Variants in PLIN1 observed in about 807,000 individuals in gnomAD.
PLIN1 encodes perilipin-1.
In PLIN1, 37 loss-of-function variants were observed where a neutral mutation model predicts 45.8. The ratio of observed to expected loss-of-function variants is 0.81; its 90% CI spans 0.62 to 1.06. PLIN1 has a LOEUF of 1.06. Among genes scored for constraint, PLIN1 ranks in the 50% least tolerant of loss-of-function variants. The pLI is 0.00. For missense variants in PLIN1, 776 were observed against 716.5 expected, an observed-to-expected ratio of 1.08 and a Z score of -0.95; for synonymous variants, 340 against 309.2, an observed-to-expected ratio of 1.10 and a Z score of -1.05.
chr15:89,666,981 C>G lies in PLIN1; in HGVS notation c.1164G>C (p.Lys388Asn). The change falls in exon 8 of 9, where the codon AAG becomes AAC. Residue 388 changes from lysine (K) to asparagine (N), a missense_variant. Lys to Asn is a moderately conservative substitution (Grantham distance 94). Transcript: ENST00000300055. The stretch of plus-strand genomic sequence containing the variant: ...TGTCCACCACGTTGTCAGTAACGCC[C>G]TTCAGGGCATCTGATAGGGACATGG... ...GRAMSLSDALKGVTDNVVDTV... is the reference protein window; with the variant it reads ...GRAMSLSDALNGVTDNVVDTV... The G allele has an allele frequency of 6.2e-7, 1 of 1,614,122 alleles. No homozygotes were observed.
Position 89,667,619 on chromosome 15 carries a change from C to T in PLIN1, c.946G>A (p.Glu316Lys), listed in dbSNP as rs776563525. Residue 316 changes from glutamate to lysine, a missense_variant, in exon 7 of 9, where the codon GAG (glutamate) becomes AAG (lysine). Coordinates refer to ENST00000300055, the MANE Select transcript of PLIN1 (RefSeq NM_002666.5). ...TEEEEELETE[E>K]NKFSEVAALP... ...CCCCTCACCTCACTGAACTTGTTCT[C>T]CTCAGTCTCCAATTCTTCCTCCTCC... is the stretch of plus-strand genomic sequence containing the variant. 6.2e-7 allele frequency: 1 copy of T among 1,614,028 alleles called. No individual in the cohort carries two copies.
In PLIN1 at chr15:89,664,925, T is replaced by C. The variant is rs549102269; in HGVS notation, c.*658A>G. On this transcript the variant is annotated 3_prime_UTR_variant, in exon 9 of 9. Transcript: ENST00000300055. ...GGCAGTAATGATGCAAATGGAAATG[T>C]GGCTGTGAGCAAGCAGCTGGCTCTA... 1 of 456,112 alleles carries C rather than the reference T, an allele frequency of 2.2e-6. No individual in the cohort carries two copies. Among genetic ancestry groups the C allele is most frequent in the East Asian group, 6.9e-5 (1 of 14,402 alleles). 28.3% of individuals were successfully genotyped at this position (456,112 alleles called of 1,614,324 possible). A position where few individuals can be genotyped will look rare whatever the true frequency, so the allele number is the denominator to read the frequency against.
At chr15:89,672,803 C>T (rs748710233) in intron 3 of PLIN1, among the ~76,000 whole-genome samples, 17 of 152,212 alleles carry the variant, frequency 1.1e-4, no homozygotes, top group South Asian at 8.3e-4. Flanking sequence ...CCGTGCCCTC[C>T]GGCCCTGCCA....
intron 2 of PLIN1, among the ~76,000 whole-genome samples, chr15:89,674,768 A>G (rs1964490587): frequency 6.6e-6 from 1 of 152,106 alleles, no homozygotes. Context: ...ATCATGTTAA[A>G]TGGCTCCAGT....
At chr15:89,669,356 C>T (rs1373590953) in intron 6 of PLIN1, 144 bp downstream of exon 6, 2 of 768,580 alleles carry the variant, frequency 2.6e-6, no homozygotes, top group Non-Finnish European at 4.6e-6. Flanking sequence ...CTCTCAAGTC[C>T]TCTTAGAACT....
chr15:89,669,026 A>T (rs1336199701), intron 6 of PLIN1, among the ~76,000 whole-genome samples: 1 of 151,570 alleles, frequency 6.6e-6, no homozygotes, highest in Non-Finnish European at 1.5e-5. Context: ...CTGGGCCTAG[A>T]AAGGGCAACT....
intron 4 of PLIN1, 147 bp downstream of exon 4, chr15:89,671,335 G>A: frequency 1.5e-6 from 1 of 651,750 alleles, no homozygotes; most frequent in African/African-American, 1.8e-5. Flanking sequence ...GTGTGGCCTT[G>A]GGAGCAGGCA....
rs1398422945 is a variant in PLIN1, at chr15:89,671,500, G to A, written c.315C>T (p.Leu105=). 2 of 1,573,174 alleles carry A rather than the reference G, an allele frequency of 1.3e-6. No homozygotes were observed. Among genetic ancestry groups the A allele is most frequent in the Admixed American group, 1.9e-5 (1 of 53,800 alleles). ...GGCTCACCTTTTCAGGGGGGTACTGGAGGGCGGGGATCTTTTCCTCCAGGT... is the reference window on the plus strand; with the variant it reads ...GGCTCACCTTTTCAGGGGGGTACTGAAGGGCGGGGATCTTTTCCTCCAGGT... ...LDHLEEKIPA[L]QYPPEKIASE... is the part of the protein sequence containing the mutation. Residue 105 remains leucine, a synonymous_variant, in exon 4 of 9, where the codon CTC becomes CTT. Coordinates refer to ENST00000300055, the MANE Select transcript of PLIN1 (RefSeq NM_002666.5).
chr15:89,676,816 C>T (rs1022710315), intron 2 of PLIN1: 2 of 154,556 alleles, frequency 1.3e-5, no homozygotes, highest in African/African-American at 2.4e-5. Flanking sequence ...TTAGTAAAAG[C>T]GTAACTTGGG....
chr15:89,667,710 G>A lies in PLIN1; in HGVS notation c.855C>T (p.His285=). 1.3e-6 allele frequency: 2 copies of A among 1,582,888 alleles called. No homozygotes were observed. The highest frequency in any genetic ancestry group is 1.7e-6 in the Non-Finnish European group (2 of 1,164,604). ...RRSEVRVPWL[H]SLAAAQEEDH... ...CCTCCTCCTGGGCGGCTGCGAGGCTGTGCAGCCAGGGTACCCGCACTTCGC... is the reference window on the plus strand; with the variant it reads ...CCTCCTCCTGGGCGGCTGCGAGGCTATGCAGCCAGGGTACCCGCACTTCGC... Residue 285 remains histidine, a synonymous_variant, in exon 7 of 9, where the codon CAC becomes CAT. Coordinates refer to ENST00000300055, the MANE Select transcript of PLIN1 (RefSeq NM_002666.5).
chr15:89,677,142 T>C (rs1964531146), intron 2 of PLIN1: 1 of 463,882 alleles, frequency 2.2e-6, no homozygotes, highest in Non-Finnish European at 4.0e-6. Context: ...AGCATGGGCT[T>C]CTGCGTCAGG....
At chr15:89,673,600 AAG>A (rs1039165123) in intron 2 of PLIN1, among the ~76,000 whole-genome samples, 186 bp from the exon 3 acceptor site, 3 of 152,124 alleles carry the variant, frequency 2.0e-5, no homozygotes, top group Admixed American at 2.0e-4. Context: ...TGGGGAAAAC[AAG>A]AGTCAGCCGG....
chr15:89,667,734 G>A lies in PLIN1; in HGVS notation c.831C>T (p.Ser277=), dbSNP rs759336372. Residue 277 remains serine (S), a synonymous_variant, in exon 7 of 9, where the codon AGC becomes AGT. Transcript: ENST00000300055. ...VAMQAVSRRR[S]EVRVPWLHSL... is the part of the protein sequence containing the mutation. ...TGTGCAGCCAGGGTACCCGCACTTC[G>A]CTCCTCCGCCGGGACACCGCCTGCA... 7.4e-5 allele frequency: 116 copies of A among 1,570,044 alleles called. No homozygotes were observed. Among genetic ancestry groups the A allele is most frequent in the Admixed American group, 4.4e-4 (23 of 52,316 alleles).
At chr15:89,672,241 A>G (rs1964451624) in intron 3 of PLIN1, among the ~76,000 whole-genome samples, 1 of 152,244 alleles carries the variant, frequency 6.6e-6, no homozygotes, top group Non-Finnish European at 1.5e-5. Flanking sequence ...TGCATCAGAG[A>G]TGCACCTGCT....
Position 89,665,738 on chromosome 15 carries a change from C to T in PLIN1, c.1414G>A (p.Asp472Asn), listed in dbSNP as rs1489853419. ...PGAPPGPGLE[D>N]EVATPAAPRP... is the part of the protein sequence containing the mutation. ...GGCGCTGCGGGCGTGGCGACTTCGT[C>T]CTCCAGGCCCGGGCCGGGGGGCGCG... The change falls in exon 9 of 9, where the codon GAC becomes AAC. Residue 472 changes from aspartate (D) to asparagine (N), a missense_variant. Transcript: ENST00000300055. The T allele has an allele frequency of 1.3e-5, 18 of 1,417,156 alleles. No individual in the cohort carries two copies. Among genetic ancestry groups the T allele is most frequent in the Admixed American group, 5.5e-5 (2 of 36,374 alleles). The allele number at this position is 1,417,156 out of a possible 1,614,324, so 87.8% of individuals were successfully genotyped here.
In PLIN1 at chr15:89,669,971, G is replaced by A. The variant is rs1964411796; in HGVS notation, c.598+9C>T. 2.5e-6 allele frequency: 4 copies of A among 1,608,466 alleles called. No individual in the cohort carries two copies. The highest frequency in any genetic ancestry group is 3.4e-6 in the Non-Finnish European group (4 of 1,178,800). The stretch of plus-strand genomic sequence containing the variant: ...TCACTCCCAGGCCGAGCCTCCGAAT[G>A]GCAGGTACCTGACTCTTCCTTGTCT... On this transcript the variant is annotated intron_variant, in intron 5 of 8. Transcript: ENST00000300055.
In PLIN1 at chr15:89,670,171, G is replaced by A. The variant is rs753291067; in HGVS notation, c.407C>T (p.Ala136Val). The A allele has an allele frequency of 6.0e-5, 97 of 1,614,038 alleles. No individual in the cohort carries two copies. Among genetic ancestry groups the A allele is most frequent in the East Asian group, 4.7e-4 (21 of 44,886 alleles). Residue 136 changes from alanine (A) to valine (V), a missense_variant, in exon 5 of 9, where the codon GCG becomes GTG. Coordinates refer to ENST00000300055, the MANE Select transcript of PLIN1 (RefSeq NM_002666.5). ...CCCCAGGACCTTGTCTGAAGTGCTC[G>A]CGATGGGAACGCTGATGCTGTTTCT... ...SARNSISVPI[A>V]STSDKVLGAA...
chr15:89,673,400 C>T lies in PLIN1; in HGVS notation c.60G>A (p.Val20=), dbSNP rs374490128. 6.2e-7 allele frequency: 1 copy of T among 1,600,868 alleles called. No homozygotes were observed. ...LDGDLPEQEN[V]LQRVLQLPVV... is the part of the protein sequence containing the mutation. ...CCGGCAGCTGCAGGACCCGCTGCAG[C>T]ACATTCTCCTGCTCCTGGTGCGGAA... The change falls in exon 3 of 9, where the codon GTG becomes GTA. Residue 20 remains valine, a synonymous_variant. Transcript: ENST00000300055.
intron 8 of PLIN1, among the ~76,000 whole-genome samples, chr15:89,666,641 G>A (rs1235785196): frequency 2.0e-5 from 3 of 152,184 alleles, no homozygotes; most frequent in Admixed American, 6.5e-5. Context: ...GAGAGCAAAG[G>A]GGTGAAGGTG....
Sources: allele counts gnomAD v4.1 joint callset (sites outside exome capture counted in the v4.1 genomes callset), GRCh38; gene constraint gnomAD v4.1.1; transcripts MANE v1.5; gene names NCBI Gene and HGNC (gene_info 2026-07-23, HGNC 2026-07-21).